Variants in ICE1 observed in about 807,000 individuals in gnomAD.
ICE1 encodes the protein little elongation complex subunit 1.
A neutral mutation model predicts 192.7 loss-of-function variants in ICE1; 64 were observed. The observed-to-expected ratio is 0.33, with a 90% CI of 0.27 to 0.41. ICE1 has a LOEUF of 0.41. Ranked by LOEUF, ICE1 falls within the 10% of genes least tolerant of loss-of-function variation. The probability of loss-of-function intolerance (pLI) is 1.00; values close to 1 mark genes in which losing one functional copy is unlikely to be tolerated. For missense variants in ICE1, 2,708 were observed against 2,696.0 expected, an observed-to-expected ratio of 1.00 and a Z score of -0.10; for synonymous variants, 1,010 against 984.5, an observed-to-expected ratio of 1.03 and a Z score of -0.49.
rs757253602 is a variant in ICE1, at chr5:5,461,052, C to T, written c.1718C>T (p.Thr573Ile). Residue 573 changes from threonine (T) to isoleucine (I), a missense_variant, in exon 13 of 19, where the codon ACT becomes ATT. Physicochemically the swap from Thr to Ile is moderately conservative, Grantham distance 89. This residue lies in a region of ICE1 where 2,366 missense variants were observed against 2,276.6 expected (regional missense o/e 1.04). Coordinates refer to ENST00000296564, the MANE Select transcript of ICE1 (RefSeq NM_015325.3). ...FTKWTRINEI[T>I]SEPDRITVSG... ...AAGTGGACACGAATTAATGAAATCA[C>T]TTCTGAACCAGACCGTATCACAGTT... 38 of 1,614,042 alleles carry T rather than the reference C, an allele frequency of 2.4e-5. 1 individual carries two copies. In the Middle Eastern group the frequency reaches 6.6e-4, roughly 28 times the overall value.
chr5:5,433,147 A>T (rs1197205789), intron 1 of ICE1, among the ~76,000 whole-genome samples: 1 of 152,150 alleles, frequency 6.6e-6, no homozygotes, highest in Non-Finnish European at 1.5e-5. Context: ...GTCTTAGACC[A>T]CTGTGCTTAG....
At chr5:5,423,322 G>A (rs1737389232) in intron 1 of ICE1, among the ~76,000 whole-genome samples, 1 of 152,108 alleles carries the variant, frequency 6.6e-6, no homozygotes, top group Admixed American at 6.5e-5. Context: ...AGACTCCGTA[G>A]GTCAGTGAGG....
At chr5:5,467,561 C>T (rs1284635716) in intron 14 of ICE1, among the ~76,000 whole-genome samples, 1 of 152,138 alleles carries the variant, frequency 6.6e-6, no homozygotes, top group Non-Finnish European at 1.5e-5. Context: ...ATTTGCCTTC[C>T]TGGCACTTAC....
chr5:5,481,456 T>G (rs1739502448), intron 17 of ICE1, among the ~76,000 whole-genome samples: 1 of 152,190 alleles, frequency 6.6e-6, no homozygotes, highest in Non-Finnish European at 1.5e-5. Flanking sequence ...TCTTGGTGTC[T>G]TCTCCAGTGT....
intron 1 of ICE1, among the ~76,000 whole-genome samples, chr5:5,434,869 T>C (rs1737824321): frequency 2.0e-5 from 3 of 152,226 alleles, no homozygotes; most frequent in African/African-American, 7.2e-5. Flanking sequence ...TATTTTAGTT[T>C]TGCATTTCCT....
chr5:5,469,377 A>T (rs936053390), intron 15 of ICE1, among the ~76,000 whole-genome samples: 1 of 152,174 alleles, frequency 6.6e-6, no homozygotes, highest in Non-Finnish European at 1.5e-5. Flanking sequence ...TAATATGCTT[A>T]ATTTTTCTTT....
At chr5:5,469,080 C>G (rs1261329408) in intron 15 of ICE1, 92 bp downstream of exon 15, 5 of 871,188 alleles carry the variant, frequency 5.7e-6, no homozygotes, top group Non-Finnish European at 8.0e-6. Flanking sequence ...TATATTAGTT[C>G]ATAGGCATTT....
At chr5:5,479,594 G>A (rs551931339) in intron 17 of ICE1, among the ~76,000 whole-genome samples, 1 of 152,262 alleles carries the variant, frequency 6.6e-6, no homozygotes, top group South Asian at 2.1e-4. Context: ...ACACTAGTGG[G>A]TATATACCCA....
At chr5:5,460,000 C>T in intron 12 of ICE1, among the ~76,000 whole-genome samples, 1 of 152,138 alleles carries the variant, frequency 6.6e-6, no homozygotes, top group East Asian at 1.9e-4. Context: ...TCCCCCCCTG[C>T]ACAAGGCTGT....
chr5:5,483,668 A>G (rs559272412), intron 17 of ICE1, among the ~76,000 whole-genome samples: 2 of 152,286 alleles, frequency 1.3e-5, no homozygotes, highest in African/African-American at 4.8e-5. Context: ...CTACCACTGG[A>G]TTCAGTGGAG....
chr5:5,461,420 G>A lies in ICE1; in HGVS notation c.2086G>A (p.Gly696Arg). The A allele has an allele frequency of 6.2e-7, 1 of 1,613,978 alleles. No homozygotes were observed. The highest frequency in any genetic ancestry group is 1.1e-5 in the South Asian group (1 of 91,082). ...QSEPPECSIG[G>R]NNLENSLCAL... Reference sequence around the variant, plus strand: ...TGAGCCACCGGAGTGTTCTATAGGAGGAAACAACTTGGAGAATAGCTTGTG... The same window carrying A: ...TGAGCCACCGGAGTGTTCTATAGGAAGAAACAACTTGGAGAATAGCTTGTG... The change falls in exon 13 of 19, where the codon GGA becomes AGA. Residue 696 changes from glycine (G) to arginine (R), a missense_variant. Physicochemically the swap from Gly to Arg is moderately radical, Grantham distance 125. Around this residue, in one of 2 missense-constraint regions of ICE1, gnomAD observed 2,366 missense variants for 2,276.6 expected, o/e 1.04. Transcript: ENST00000296564.
intron 10 of ICE1, among the ~76,000 whole-genome samples, chr5:5,451,859 C>T (rs973890069): frequency 1.3e-5 from 2 of 152,232 alleles, no homozygotes; most frequent in Middle Eastern, 3.4e-3. Context: ...AATCAAATAG[C>T]ATGCACACAT....
In ICE1 at chr5:5,464,280, C is replaced by T. The variant is rs756902721; in HGVS notation, c.4946C>T (p.Pro1649Leu). The change falls in exon 13 of 19, where the codon CCA becomes CTA. Residue 1649 changes from proline to leucine, a missense_variant. Around this residue, in one of 2 missense-constraint regions of ICE1, gnomAD observed 2,366 missense variants for 2,276.6 expected, o/e 1.04. Transcript: ENST00000296564. The surrounding 1 kb of genome is among the most constrained non-coding windows in gnomAD (Gnocchi z 4.0). ...GCTACACCTCCAAGGACTTCACAGC[C>T]ACTGTCTCCACTGATATCGAGTTCT... ...LIATPPRTSQ[P>L]LSPLISSSSP... 1.7e-5 allele frequency: 27 copies of T among 1,613,466 alleles called. 2 individuals are homozygous for T. The South Asian group carries it at 3.0e-4, about 18-fold the overall frequency.
chr5:5,439,975 C>T, intron 4 of ICE1, 62 bp downstream of exon 4: 1 of 1,176,796 alleles, frequency 8.5e-7, no homozygotes. Context: ...CTGAGATAGA[C>T]ATTTATTGGA....
chr5:5,428,507 C>A (rs75502285), intron 1 of ICE1, among the ~76,000 whole-genome samples: 7,551 of 152,066 alleles, frequency 0.05, 631 homozygotes, highest in East Asian at 0.34. Context: ...ATAAAGTTGC[C>A]ACAATAATAC....
In ICE1 at chr5:5,461,173, T is replaced by A. The variant is rs1738763705; in HGVS notation, c.1839T>A (p.Asp613Glu). ...TLGESPESED[D>E]DSGDGMDVAG... ...GAGAATCACCTGAATCAGAAGATGA[T>A]GACTCAGGTGATGGAATGGATGTAG... is the stretch of plus-strand genomic sequence containing the variant. Residue 613 changes from aspartate to glutamate, a missense_variant, in exon 13 of 19, where the codon GAT becomes GAA. This residue lies in a region of ICE1 where 2,366 missense variants were observed against 2,276.6 expected (regional missense o/e 1.04). Transcript: ENST00000296564. 1 of 1,613,920 alleles carries A rather than the reference T, an allele frequency of 6.2e-7. No individual in the cohort carries two copies. The highest frequency in any genetic ancestry group is 8.5e-7 in the Non-Finnish European group (1 of 1,179,902).
At position 5,476,041 on chromosome 5, in the gene ICE1, C is replaced by A. The variant is rs1433986066; in HGVS notation, c.6482C>A (p.Thr2161Asn). The A allele has an allele frequency of 3.7e-6, 6 of 1,608,576 alleles. No homozygotes were observed. In the Admixed American group the frequency reaches 5.0e-5, roughly 13 times the overall value. ...YRKGHANIAY[T>N]PDIIIASILR... ...AAAGGACATGCAAACATTGCGTATA[C>A]TCCTGATATTATTATAGCCTCAATA... Residue 2161 changes from threonine to asparagine, a missense_variant, in exon 17 of 19, where the codon ACT (threonine) becomes AAT (asparagine). Thr to Asn is a moderately conservative substitution (Grantham distance 65). This residue lies in a region of ICE1 where 342 missense variants were observed against 419.3 expected (regional missense o/e 0.82). Transcript: ENST00000296564.
rs921862159 is a variant in ICE1, at chr5:5,441,226, A to G, written c.309+3A>G. On this transcript the variant is annotated splice_donor_region_variant and intron_variant, in intron 5 of 18. Coordinates refer to ENST00000296564, the MANE Select transcript of ICE1 (RefSeq NM_015325.3). The stretch of plus-strand genomic sequence containing the variant: ...AAGCAGAGCTAGAAGAGAAAAAGGT[A>G]TGAACAATAATTTTCTGTAAAGATT... 3 of 1,497,166 alleles carry G rather than the reference A, an allele frequency of 2.0e-6. No homozygotes were observed. The highest frequency in any genetic ancestry group is 2.0e-5 in the Admixed American group (1 of 50,704). The allele number at this position is 1,497,166 out of a possible 1,614,324, so 92.7% of individuals were successfully genotyped here.
Position 5,461,027 on chromosome 5 carries a change from A to G in ICE1, c.1693A>G (p.Lys565Glu). ...MMGSPKSEFT[K>E]WTRINEITSE... The stretch of plus-strand genomic sequence containing the variant: ...GGGATCGCCCAAATCAGAGTTTACT[A>G]AGTGGACACGAATTAATGAAATCAC... The change falls in exon 13 of 19, where the codon AAG (lysine) becomes GAG (glutamate). Residue 565 changes from lysine to glutamate, a missense_variant. Transcript: ENST00000296564. 1.2e-6 allele frequency: 2 copies of G among 1,614,076 alleles called. No homozygotes were observed. The highest frequency in any genetic ancestry group is 2.2e-5 in the South Asian group (2 of 91,086).
Sources: gnomAD v4.1 joint callset for allele counts (sites outside exome capture counted in the v4.1 genomes callset) on GRCh38, gnomAD v4.1.1 for gene constraint, gnomAD v4.1.1 regional missense constraint, Gnocchi (gnomAD v3.1) non-coding constraint, MANE v1.5 for transcripts, NCBI Gene and HGNC (gene_info 2026-07-23, HGNC 2026-07-21) for gene names.